The following HDAC2 variants were observed in gnomAD, a reference collection of about 807,000 sequenced individuals.
The protein encoded by HDAC2 is histone deacetylase 2, also known as YY1-associated factor 1.
HDAC2 carries 5 observed loss-of-function variants against 68.5 expected under a neutral mutation model. The observed-to-expected ratio is 0.07, with a 90% CI of 0.04 to 0.15. The LOEUF is 0.15. Among genes scored for constraint, HDAC2 ranks in the 10% least tolerant of loss-of-function variants. HDAC2 has a pLI of 1.00. For missense variants in HDAC2, 291 were observed against 600.8 expected (o/e 0.48, Z 5.39); for synonymous variants, 182 against 191.3 (o/e 0.95, Z 0.40).
chr6:113,949,764 C>T (rs6568819), intron 6 of HDAC2, among the ~76,000 whole-genome samples: 27,509 of 151,952 alleles, frequency 0.18, 2,743 homozygotes, highest in East Asian at 0.36. Flanking sequence ...TAACAGCTAC[C>T]GACTAAAGCA....
chr6:113,970,690 A>G, intron 1 of HDAC2, 167 bp downstream of exon 1: 1 of 1,357,070 alleles, frequency 7.4e-7, no homozygotes, highest in Non-Finnish European at 9.4e-7. Flanking sequence ...TGCGCCAGGA[A>G]GAGGGTCTCG....
At chr6:113,958,008 A>C (rs1776597126) in intron 3 of HDAC2, among the ~76,000 whole-genome samples, 1 of 152,220 alleles carries the variant, frequency 6.6e-6, no homozygotes, top group Non-Finnish European at 1.5e-5. Context: ...TGAGATGTCT[A>C]GCACCTACAC....
At chr6:113,964,071 A>G (rs1193840118) in intron 1 of HDAC2, among the ~76,000 whole-genome samples, 1 of 152,198 alleles carries the variant, frequency 6.6e-6, no homozygotes, top group Admixed American at 6.5e-5. Context: ...TTCTACAGCA[A>G]AAAAGTGTGA....
Position 113,940,787 on chromosome 6 carries a change from CTTT to C in HDAC2, c.*268_*270del, listed in dbSNP as rs559711838. ...ATCAGCTCAGAAAGGCCAATTACTT[CTTT>C]AATAGATCAGTTTTTTTGACATAAT... On this transcript the variant is annotated 3_prime_UTR_variant, in exon 14 of 14. Coordinates refer to ENST00000519065, the MANE Select transcript of HDAC2 (RefSeq NM_001527.4). 40 of 323,712 alleles carry C rather than the reference CTTT, an allele frequency of 1.2e-4. No individual in the cohort carries two copies. The highest frequency in any genetic ancestry group is 9.7e-4 in the East Asian group (19 of 19,594). The allele number at this position is 323,712 out of a possible 1,614,324, so 20.1% of individuals were successfully genotyped here.
chr6:113,950,336 A>C (rs1776379988), intron 6 of HDAC2, among the ~76,000 whole-genome samples: 1 of 151,606 alleles, frequency 6.6e-6, no homozygotes, highest in Non-Finnish European at 1.5e-5. Context: ...ACTACAAAAT[A>C]GTATTTTAAC....
At chr6:113,961,497 C>G (rs1010588697) in intron 1 of HDAC2, among the ~76,000 whole-genome samples, 10 of 152,126 alleles carry the variant, frequency 6.6e-5, no homozygotes, top group Admixed American at 6.5e-4. Flanking sequence ...GCCAACAAGG[C>G]TAAGAAACAA....
At chr6:113,956,492 T>C (rs1403336445) in intron 4 of HDAC2, 127 bp downstream of exon 4, 1 of 704,136 alleles carries the variant, frequency 1.4e-6, no homozygotes, top group Non-Finnish European at 2.5e-6. Context: ...TACTTTACTA[T>C]AAACATACTG....
intron 9 of HDAC2, among the ~76,000 whole-genome samples, chr6:113,945,690 TAC>T (rs1438057679): frequency 6.6e-6 from 1 of 152,252 alleles, no homozygotes; most frequent in Admixed American, 6.5e-5. Context: ...TGGCTTGACT[TAC>T]AGTTTTCTGG....
rs749822542 is a variant in HDAC2 at position 113,941,093 on chromosome 6, TAA to T, written c.1437-7_1437-6del. On this transcript the variant is annotated splice_polypyrimidine_tract_variant and splice_region_variant and intron_variant, in intron 13 of 13. Coordinates refer to ENST00000519065, the MANE Select transcript of HDAC2 (RefSeq NM_001527.4). ...CTGAGCTGTTCTGATTTGGTTCTGTTAAAAGAGGCAATGTGAAATATTAAAAA... is the reference window on the plus strand; with the variant it reads ...CTGAGCTGTTCTGATTTGGTTCTGTTAAGAGGCAATGTGAAATATTAAAAA... The T allele has an allele frequency of 8.7e-6, 14 of 1,607,762 alleles. No individual in the cohort carries two copies. Among genetic ancestry groups the T allele is most frequent in the Admixed American group, 1.7e-5 (1 of 58,636 alleles).
rs1776039935 is a variant in HDAC2 at position 113,937,874 on chromosome 6, G to C, written c.*3184C>G. The C allele has an allele frequency of 6.6e-6, 1 of 152,280 alleles. No homozygotes were observed. The highest frequency in any genetic ancestry group is 2.1e-4 in the South Asian group (1 of 4,826). The allele number at this position is 152,280 out of a possible 1,614,324, so 9.4% of individuals were successfully genotyped here. On this transcript the variant is annotated 3_prime_UTR_variant, in exon 14 of 14. Coordinates refer to ENST00000519065, the MANE Select transcript of HDAC2 (RefSeq NM_001527.4). ...AAAAAAAAGAGATAAACAGCCAGGT[G>C]CGGCAGCTCACACCTGTAATCCCAG...
intron 1 of HDAC2, among the ~76,000 whole-genome samples, chr6:113,966,359 G>C (rs920662142): frequency 5.9e-5 from 9 of 151,986 alleles, no homozygotes; most frequent in African/African-American, 2.2e-4. Context: ...AGACCAGCCT[G>C]GCCAACATGG....
intron 5 of HDAC2, 39 bp downstream of exon 5, chr6:113,955,974 C>CT: frequency 6.8e-7 from 1 of 1,474,516 alleles, no homozygotes. Flanking sequence ...AATGAAAACA[C>CT]TTTATCACTG....
At chr6:113,963,828 A>G (rs796869968) in intron 1 of HDAC2, among the ~76,000 whole-genome samples, 17 of 152,340 alleles carry the variant, frequency 1.1e-4, no homozygotes, top group African/African-American at 4.1e-4. Flanking sequence ...ATGCAAAGAA[A>G]TTACTGTAAA....
rs1776467617 is a variant in HDAC2 at position 113,953,382 on chromosome 6, A to G, written c.534T>C (p.Ile178=). 5 of 1,574,958 alleles carry G rather than the reference A, an allele frequency of 3.2e-6. No homozygotes were observed. Among genetic ancestry groups the G allele is most frequent in the Non-Finnish European group, 4.4e-6 (5 of 1,145,144 alleles). The change falls in exon 6 of 14, where the codon ATT becomes ATC. Residue 178 remains isoleucine, a synonymous_variant. Coordinates refer to ENST00000519065, the MANE Select transcript of HDAC2 (RefSeq NM_001527.4). ...HQRVLYIDID[I]HHGDGVEEAF... ...CTTCTTCAACACCATCACCATGATG[A>G]ATATCTATATCAATATATAAGACTC...
At chr6:113,970,693 G>T in intron 1 of HDAC2, 164 bp downstream of exon 1, 1 of 1,360,968 alleles carries the variant, frequency 7.3e-7, no homozygotes. Flanking sequence ...GCCAGGAAGA[G>T]GGTCTCGTTC....
rs1476374955 is a variant in HDAC2 at position 113,970,849 on chromosome 6, C to G, written c.52+8G>C. The stretch of plus-strand genomic sequence containing the variant: ...CGCGCCCACCCCGACACCGGCCCGG[C>G]CGCTCACCGTCGTAGTAGTAGCAGA... On this transcript the variant is annotated splice_region_variant and intron_variant, in intron 1 of 13. Coordinates refer to ENST00000519065, the MANE Select transcript of HDAC2 (RefSeq NM_001527.4). 2.0e-6 allele frequency: 3 copies of G among 1,537,776 alleles called. No individual in the cohort carries two copies. The highest frequency in any genetic ancestry group is 2.8e-5 in the African/African-American group (2 of 72,726).
At chr6:113,942,107 AGAGAGT>A (rs1263948251) in intron 12 of HDAC2, among the ~76,000 whole-genome samples, 6 of 152,058 alleles carry the variant, frequency 3.9e-5, no homozygotes, top group African/African-American at 9.6e-5. Flanking sequence ...ATCACCAAAT[AGAGAGT>A]TTATTTTTTA....
At chr6:113,963,612 T>C (rs1052827858) in intron 1 of HDAC2, among the ~76,000 whole-genome samples, 27 of 152,218 alleles carry the variant, frequency 1.8e-4, no homozygotes, top group Non-Finnish European at 1.5e-5. Flanking sequence ...CTGGAGCATG[T>C]CAAATTTTTG....
chr6:113,937,941 T>A lies in HDAC2; in HGVS notation c.*3117A>T, dbSNP rs998776630. On this transcript the variant is annotated 3_prime_UTR_variant, in exon 14 of 14. Transcript: ENST00000519065. ...GGTGGGTGGATCATGAGGTCAGGAG[T>A]TCGAGGCCAGCCTGGCCAACATAGT... 3 of 151,726 alleles carry A rather than the reference T, an allele frequency of 2.0e-5. No homozygotes were observed. Among genetic ancestry groups the A allele is most frequent in the Non-Finnish European group, 2.9e-5 (2 of 67,930 alleles). 9.4% of individuals were successfully genotyped at this position (151,726 alleles called of 1,614,324 possible). A position where few individuals can be genotyped will look rare whatever the true frequency, so the allele number is the denominator to read the frequency against.
Sources: allele counts gnomAD v4.1 joint callset (sites outside exome capture counted in the v4.1 genomes callset), GRCh38; gene constraint gnomAD v4.1.1; transcripts MANE v1.5; gene names NCBI Gene and HGNC (gene_info 2026-07-23, HGNC 2026-07-21).